Variants in AUTS2 observed in about 807,000 individuals in gnomAD.
AUTS2 encodes the protein autism susceptibility gene 2 protein.
AUTS2 carries 17 observed loss-of-function variants against 112.4 expected under a neutral mutation model. The observed-to-expected ratio is 0.15, with a 90% CI of 0.10 to 0.23. The LOEUF (loss-of-function observed/expected upper bound fraction) is 0.23. AUTS2 is among the 10% of genes least tolerant of loss of function. The pLI, the probability that AUTS2 is intolerant of heterozygous loss-of-function variation, is 1.00. For missense variants in AUTS2, 1,510 were observed against 1,701.6 expected (o/e 0.89, Z 1.98); for synonymous variants, 751 against 702.7 (o/e 1.07, Z -1.09).
At chr7:70,736,369 C>A (rs13234563) in intron 6 of AUTS2, among the ~76,000 whole-genome samples, 105,500 of 151,414 alleles carry the variant, frequency 0.7, 36,928 homozygotes, top group East Asian at 0.79. Context: ...AATACTTTTA[C>A]TACCAAGTGA....
At chr7:69,716,195 G>T (rs1798600078) in intron 1 of AUTS2, among the ~76,000 whole-genome samples, 1 of 151,836 alleles carries the variant, frequency 6.6e-6, no homozygotes, top group African/African-American at 2.4e-5. Flanking sequence ...AAATGTATAG[G>T]TTTTCAGATA....
At chr7:70,745,606 A>C (rs990664384) in intron 6 of AUTS2, among the ~76,000 whole-genome samples, 1 of 152,172 alleles carries the variant, frequency 6.6e-6, no homozygotes, top group Non-Finnish European at 1.5e-5. Flanking sequence ...CTATAGACGG[A>C]GCGTGCAGAC....
At position 70,212,616 on chromosome 7, in the gene AUTS2, T is replaced by TA. The variant is rs1050128012; in HGVS notation, c.660+78054dup. On this transcript the variant is annotated intron_variant, in intron 4 of 18. Transcript: ENST00000342771. Reference sequence around the variant, plus strand: ...CGGCAAAGCAACACAATTTTGGCATTAAAAAAAAATCTCTGGATTACTTTA... The same window carrying TA: ...CGGCAAAGCAACACAATTTTGGCATTAAAAAAAAAATCTCTGGATTACTTTA... 4.3e-4 allele frequency among the ~76,000 whole-genome samples: 65 copies of TA among 150,814 alleles called. 1 individual carries two copies. The highest frequency in any genetic ancestry group is 8.4e-4 in the South Asian group (4 of 4,790).
rs58465035 is a variant in AUTS2, at chr7:70,692,372, T to C, written c.691-6197T>C. On this transcript the variant is annotated intron_variant, in intron 5 of 18. Transcript: ENST00000342771. ...TAGAACAACAAGATAAGAAAACTGT[T>C]CCATTTTGATTGTTCCAAAAGAAAC... 5.5e-3 allele frequency among the ~76,000 whole-genome samples: 840 copies of C among 152,286 alleles called. 12 individuals carry two copies. The highest frequency in any genetic ancestry group is 0.02 in the African/African-American group (816 of 41,564).
At chr7:69,615,931 G>A (rs568461021) in intron 1 of AUTS2, among the ~76,000 whole-genome samples, 2 of 152,230 alleles carry the variant, frequency 1.3e-5, no homozygotes, top group African/African-American at 4.8e-5. Context: ...TTAGATTACA[G>A]TGTTAGAGGA....
At chr7:70,176,653 T>C (rs1584834658) in intron 4 of AUTS2, among the ~76,000 whole-genome samples, 1 of 152,374 alleles carries the variant, frequency 6.6e-6, no homozygotes, top group East Asian at 1.9e-4. Flanking sequence ...GTGTTGTTTA[T>C]TTAAATTTGG....
At chr7:70,108,238 TG>T (rs1804877376) in intron 2 of AUTS2, among the ~76,000 whole-genome samples, 1 of 152,170 alleles carries the variant, frequency 6.6e-6, no homozygotes, top group Non-Finnish European at 1.5e-5. Context: ...GATAGAGATT[TG>T]CTGTCAGAAT....
At position 70,136,287 on chromosome 7, in the gene AUTS2, G is replaced by A. The variant is rs140113447; in HGVS notation, c.660+1716G>A. 1.3e-3 allele frequency among the ~76,000 whole-genome samples: 196 copies of A among 152,130 alleles called. 1 individual carries two copies. The highest frequency in any genetic ancestry group is 4.3e-3 in the African/African-American group (180 of 41,512). ...TACTTTGCTTACATAAAAGTCTGTC[G>A]TATTATTAGCTTACATGGAGAAGAT... On this transcript the variant is annotated intron_variant, in intron 4 of 18. Coordinates refer to ENST00000342771, the MANE Select transcript of AUTS2 (RefSeq NM_015570.4).
intron 4 of AUTS2, among the ~76,000 whole-genome samples, chr7:70,197,389 G>A (rs1654047475): frequency 6.6e-6 from 1 of 151,482 alleles, no homozygotes; most frequent in Middle Eastern, 3.4e-3. Context: ...CAGCGTGAGC[G>A]ACGCAGAAGA....
intron 4 of AUTS2, among the ~76,000 whole-genome samples, chr7:70,391,700 AAG>A (rs1793867727): frequency 6.6e-6 from 1 of 152,174 alleles, no homozygotes; most frequent in Non-Finnish European, 1.5e-5. Flanking sequence ...AAAAAATAAA[AAG>A]CAGCAAATTA....
intron 1 of AUTS2, among the ~76,000 whole-genome samples, chr7:69,888,082 G>A (rs934992556): frequency 3.3e-5 from 5 of 152,094 alleles, no homozygotes; most frequent in African/African-American, 7.2e-5. Context: ...AGGCCAAGGC[G>A]GGAGGATCGC....
At chr7:70,355,124 G>T (rs187636832) in intron 4 of AUTS2, among the ~76,000 whole-genome samples, 2 of 150,790 alleles carry the variant, frequency 1.3e-5, no homozygotes, top group African/African-American at 4.9e-5. Flanking sequence ...GTGTGTGTGT[G>T]TATATATACG....
At chr7:70,008,682 A>G (rs1462826636) in intron 2 of AUTS2, among the ~76,000 whole-genome samples, 1 of 152,220 alleles carries the variant, frequency 6.6e-6, no homozygotes, top group East Asian at 1.9e-4. Context: ...TGCTGTCAGG[A>G]AAATTAAAGG....
intron 14 of AUTS2, among the ~76,000 whole-genome samples, chr7:70,780,953 A>ATTAT (rs1327661252): frequency 6.6e-6 from 1 of 152,198 alleles, no homozygotes; most frequent in African/African-American, 2.4e-5. Context: ...TTAAGACACT[A>ATTAT]TTATTTTAAA....
chr7:70,531,324 A>G (rs1800077580), intron 5 of AUTS2, among the ~76,000 whole-genome samples: 1 of 152,214 alleles, frequency 6.6e-6, no homozygotes, highest in Non-Finnish European at 1.5e-5. Flanking sequence ...TTAAAGAAAC[A>G]AAAGTCGCCA....
chr7:70,011,441 T>C (rs951428957), intron 2 of AUTS2, among the ~76,000 whole-genome samples: 5 of 152,044 alleles, frequency 3.3e-5, no homozygotes, highest in African/African-American at 1.2e-4. Flanking sequence ...CAGGGCTTTT[T>C]GTTACAAAAA....
At chr7:70,389,683 A>G (rs1325554256) in intron 4 of AUTS2, among the ~76,000 whole-genome samples, 2 of 152,176 alleles carry the variant, frequency 1.3e-5, no homozygotes, top group African/African-American at 4.8e-5. Context: ...CCAAAAAGAA[A>G]TCATACTTTG....
intron 4 of AUTS2, among the ~76,000 whole-genome samples, chr7:70,153,954 A>G (rs1461954128): frequency 6.6e-6 from 1 of 152,230 alleles, no homozygotes; most frequent in Non-Finnish European, 1.5e-5. Context: ...GATAAAATGT[A>G]GGCCACCAGA....
At chr7:69,897,414 T>G (rs1022834511) in intron 1 of AUTS2, among the ~76,000 whole-genome samples, 1 of 152,030 alleles carries the variant, frequency 6.6e-6, no homozygotes, top group African/African-American at 2.4e-5. Flanking sequence ...GAGAGCTTGT[T>G]TCTCATGGAT....
Sources: allele counts gnomAD v4.1 joint callset (sites outside exome capture counted in the v4.1 genomes callset), GRCh38; gene constraint gnomAD v4.1.1; transcripts MANE v1.5; gene names NCBI Gene and HGNC (gene_info 2026-07-23, HGNC 2026-07-21).